EYA1: variants seen among roughly 807,000 people sequenced by gnomAD.
EYA1 encodes the protein EYA transcriptional coactivator and phosphatase 1.
In EYA1, 16 loss-of-function variants were observed where a neutral mutation model predicts 82.0. That is an observed-to-expected ratio of 0.20 (90% CI 0.13 to 0.30). The LOEUF is 0.30. Ranked by LOEUF, EYA1 falls within the 10% of genes least tolerant of loss-of-function variation. EYA1 has a pLI of 1.00. For missense variants in EYA1, 633 were observed against 730.7 expected (o/e 0.87, Z 1.54); for synonymous variants, 261 against 264.4 (o/e 0.99, Z 0.12).
At chr8:71,318,644 C>A (rs1191419932) in intron 6 of EYA1, among the ~76,000 whole-genome samples, 2 of 152,128 alleles carry the variant, frequency 1.3e-5, no homozygotes, top group African/African-American at 4.8e-5. Flanking sequence ...AGAAAAATTT[C>A]TGCCGAGGGA....
chr8:71,275,000 G>A (rs1816991044), intron 9 of EYA1, among the ~76,000 whole-genome samples: 1 of 149,422 alleles, frequency 6.7e-6, no homozygotes, highest in Admixed American at 6.6e-5. Context: ...TTTAAGAAAT[G>A]AAAATAAAAA....
intron 11 of EYA1, among the ~76,000 whole-genome samples, chr8:71,251,793 A>G (rs1813775074): frequency 6.6e-6 from 1 of 151,744 alleles, no homozygotes; most frequent in Non-Finnish European, 1.5e-5. Flanking sequence ...CCAAATCACC[A>G]GCATCAACCC....
intron 3 of EYA1, among the ~76,000 whole-genome samples, chr8:71,354,073 T>A (rs1170839818): frequency 6.6e-6 from 1 of 152,116 alleles, no homozygotes; most frequent in Non-Finnish European, 1.5e-5. Flanking sequence ...ACATATAACC[T>A]TATATGTTTA....
intron 2 of EYA1, among the ~76,000 whole-genome samples, chr8:71,459,722 T>A (rs1808224942): frequency 1.3e-5 from 2 of 152,142 alleles, no homozygotes; most frequent in East Asian, 3.8e-4. Flanking sequence ...AAATTAGTTA[T>A]GTGTTTTTTA....
intron 3 of EYA1, among the ~76,000 whole-genome samples, chr8:71,347,040 G>A (rs1753498631): frequency 6.6e-6 from 1 of 152,166 alleles, no homozygotes; most frequent in Admixed American, 6.5e-5. Context: ...ATAAATGAAT[G>A]TTGTATATCT....
At chr8:71,248,301 T>G (rs115460097) in intron 11 of EYA1, among the ~76,000 whole-genome samples, 2,028 of 152,290 alleles carry the variant, frequency 0.013, 37 homozygotes, top group African/African-American at 0.047. Flanking sequence ...AATTTTAGAA[T>G]AGGAAGGGGG....
chr8:71,237,433 G>T (rs1381354530), intron 12 of EYA1, among the ~76,000 whole-genome samples: 1 of 152,114 alleles, frequency 6.6e-6, no homozygotes, highest in Non-Finnish European at 1.5e-5. Context: ...ATTTCTTAAT[G>T]AATTGCAGTA....
chr8:71,243,664 T>C (rs1812751207), intron 12 of EYA1, among the ~76,000 whole-genome samples: 2 of 152,218 alleles, frequency 1.3e-5, no homozygotes, highest in Non-Finnish European at 2.9e-5. Context: ...TGTCACACAC[T>C]GGCATTTTTC....
intron 2 of EYA1, chr8:71,470,797 GT>G (rs898876711): frequency 3.6e-5 from 16 of 446,668 alleles, no homozygotes; most frequent in African/African-American, 3.2e-4. Context: ...AAAGATGTAT[GT>G]AGCATTAAAA....
rs1473535087 is a variant in EYA1, at chr8:71,383,078, T to C, written c.34-26567A>G. Among the ~76,000 whole-genome samples the C allele has an allele frequency of 5.2e-5, 7 of 134,814 alleles. No individual in the cohort carries two copies. In the Admixed American group the frequency reaches 5.6e-4, roughly 11 times the overall value. 88.4% of individuals were successfully genotyped at this position (134,814 alleles called of 152,430 possible). A position where few individuals can be genotyped will look rare whatever the true frequency, so the allele number is the denominator to read the frequency against. ...CTGTAATGTATCCTCAGTTACATTG[T>C]TTTCTAACAGCACCTATTTTTTTTT... On this transcript the variant is annotated intron_variant, in intron 2 of 18. Transcript: ENST00000643681.
intron 2 of EYA1, among the ~76,000 whole-genome samples, chr8:71,401,293 A>C (rs866330776): frequency 1.3e-5 from 2 of 152,220 alleles, no homozygotes; most frequent in Admixed American, 6.5e-5. Flanking sequence ...CTTAAAATAA[A>C]TTTTTTAAAA....
At chr8:71,516,510 T>C (rs897118470) in intron 2 of EYA1, among the ~76,000 whole-genome samples, 1 of 152,178 alleles carries the variant, frequency 6.6e-6, no homozygotes. Context: ...GAGGAAAATA[T>C]GGCTTTTGGA....
At chr8:71,392,063 T>C (rs1344612692) in intron 2 of EYA1, among the ~76,000 whole-genome samples, 3 of 151,928 alleles carry the variant, frequency 2.0e-5, no homozygotes, top group African/African-American at 4.8e-5. Flanking sequence ...AAGAGAAAGA[T>C]GAAAAAATAA....
chr8:71,239,142 T>C (rs1812181447), intron 12 of EYA1, among the ~76,000 whole-genome samples: 1 of 152,168 alleles, frequency 6.6e-6, no homozygotes, highest in Non-Finnish European at 1.5e-5. Context: ...TATTCATTAG[T>C]AATAATAAAA....
At chr8:71,343,948 C>T (rs1305916368) in intron 3 of EYA1, among the ~76,000 whole-genome samples, 1 of 152,074 alleles carries the variant, frequency 6.6e-6, no homozygotes, top group Non-Finnish European at 1.5e-5. Flanking sequence ...ACACAGTGAA[C>T]ACCTATAAAC....
chr8:71,485,889 T>TA (rs1009615863), intron 2 of EYA1, among the ~76,000 whole-genome samples: 2 of 152,012 alleles, frequency 1.3e-5, no homozygotes, highest in Non-Finnish European at 1.5e-5. Flanking sequence ...CTTGAAACAA[T>TA]AAAAAAAAGT....
chr8:71,524,607 GT>G (rs1259483257), intron 2 of EYA1, among the ~76,000 whole-genome samples: 1 of 152,138 alleles, frequency 6.6e-6, no homozygotes, highest in Non-Finnish European at 1.5e-5. Flanking sequence ...TTTGCCAAAT[GT>G]TTTTGATATA....
At chr8:71,260,710 C>T (rs903164292) in intron 11 of EYA1, among the ~76,000 whole-genome samples, 16 of 152,126 alleles carry the variant, frequency 1.1e-4, no homozygotes, top group African/African-American at 3.9e-4. Context: ...TGTACTAATC[C>T]TACATGGGCA....
chr8:71,374,036 A>T (rs2129092421), intron 2 of EYA1, among the ~76,000 whole-genome samples: 1 of 152,326 alleles, frequency 6.6e-6, no homozygotes, highest in Admixed American at 6.5e-5. Context: ...TACAACTCTT[A>T]GAAGAAAACA....
Sources: allele counts gnomAD v4.1 joint callset (sites outside exome capture counted in the v4.1 genomes callset), GRCh38; gene constraint gnomAD v4.1.1; transcripts MANE v1.5; gene names NCBI Gene and HGNC (gene_info 2026-07-23, HGNC 2026-07-21).